Variants in FMNL3 observed in about 807,000 individuals in gnomAD.
The protein encoded by FMNL3 is formin-like protein 3.
A neutral mutation model predicts 119.6 loss-of-function variants in FMNL3; 57 were observed. The ratio of observed to expected loss-of-function variants is 0.48; its 90% CI spans 0.39 to 0.59. The LOEUF is 0.59. FMNL3 is among the 20% of genes least tolerant of loss of function. The pLI is 0.00. For missense variants in FMNL3, 1,053 were observed against 1,323.5 expected (o/e 0.80, Z 3.17); for synonymous variants, 491 against 507.3 (o/e 0.97, Z 0.43).
At position 49,642,914 on chromosome 12, in the gene FMNL3, C is replaced by T; in HGVS notation, c.*2901G>A. On this transcript the variant is annotated 3_prime_UTR_variant, in exon 26 of 26. Transcript: ENST00000335154. The surrounding 1 kb of genome is among the most constrained non-coding windows in gnomAD (Gnocchi z 5.8). ...GTCTGGTGCTGTCCTCACCCTTCTT[C>T]CTCTGCCTCTAGCAGACTGAATGCC... 1 of 1,609,116 alleles carries T rather than the reference C, an allele frequency of 6.2e-7. No homozygotes were observed. Among genetic ancestry groups the T allele is most frequent in the Non-Finnish European group, 8.5e-7 (1 of 1,177,336 alleles).
At position 49,642,311 on chromosome 12, in the gene FMNL3, C is replaced by A; in HGVS notation, c.*3504G>T. The A allele has an allele frequency of 1.2e-6, 2 of 1,614,188 alleles. No homozygotes were observed. The highest frequency in any genetic ancestry group is 2.2e-5 in the South Asian group (2 of 91,086). ...CGCAGGATGCGGCGCAGGGAAGCTG[C>A]CTTTCGAAGCATGCTGAGGCAGGCT... On this transcript the variant is annotated 3_prime_UTR_variant, in exon 26 of 26. Coordinates refer to ENST00000335154, the MANE Select transcript of FMNL3 (RefSeq NM_175736.5). This position sits in a 1 kb window ranked among gnomAD's most constrained non-coding sequence, Gnocchi z 5.8.
At chr12:49,686,023 T>C (rs1042215317) in intron 1 of FMNL3, among the ~76,000 whole-genome samples, 1 of 152,062 alleles carries the variant, frequency 6.6e-6, no homozygotes, top group Non-Finnish European at 1.5e-5. Context: ...GCTGAGATTG[T>C]GCCACTGTAC....
chr12:49,644,272 T>C lies in FMNL3; in HGVS notation c.*1543A>G. On this transcript the variant is annotated 3_prime_UTR_variant, in exon 26 of 26. Coordinates refer to ENST00000335154, the MANE Select transcript of FMNL3 (RefSeq NM_175736.5). ...CCCTCACCGTCTGCCTCAGACTTCT[T>C]CCTTAGTCTGGTCTGTGTCCACTTT... is the stretch of plus-strand genomic sequence containing the variant. 6.7e-7 allele frequency: 1 copy of C among 1,488,840 alleles called. No individual in the cohort carries two copies. The allele number at this position is 1,488,840 out of a possible 1,614,324, so 92.2% of individuals were successfully genotyped here.
At position 49,647,499 on chromosome 12, in the gene FMNL3, T is replaced by C; in HGVS notation, c.2779-131A>G. The C allele has an allele frequency of 9.4e-7, 1 of 1,061,800 alleles. No individual in the cohort carries two copies. The highest frequency in any genetic ancestry group is 1.4e-6 in the Non-Finnish European group (1 of 705,872). The allele number at this position is 1,061,800 out of a possible 1,614,324, so 65.8% of individuals were successfully genotyped here. ...AGGTGGCCACCCTCTGGAGGGGCAC[T>C]TCCTGCCCCAAACAATGACAGGAAG... On this transcript the variant is annotated intron_variant, in intron 23 of 25. Transcript: ENST00000335154. This position sits in a 1 kb window ranked among gnomAD's most constrained non-coding sequence, Gnocchi z 4.9.
At chr12:49,673,488 ACTAG>A (rs1944100329) in intron 1 of FMNL3, among the ~76,000 whole-genome samples, 1 of 152,242 alleles carries the variant, frequency 6.6e-6, no homozygotes, top group South Asian at 2.1e-4. Flanking sequence ...AAGGCCCATT[ACTAG>A]CTGCCAAAAG....
intron 1 of FMNL3, among the ~76,000 whole-genome samples, chr12:49,694,649 G>A (rs777189623): frequency 3.3e-5 from 5 of 152,160 alleles, no homozygotes; most frequent in African/African-American, 9.7e-5. Context: ...GGTGGCTCAC[G>A]CCTGCTATCT....
rs773190923 is a variant in FMNL3 at position 49,649,505 on chromosome 12, C to T, written c.2269G>A (p.Val757Ile). 9.3e-6 allele frequency: 15 copies of T among 1,613,980 alleles called. No homozygotes were observed. Among genetic ancestry groups the T allele is most frequent in the Non-Finnish European group, 1.0e-5 (12 of 1,180,048 alleles). The stretch of plus-strand genomic sequence containing the variant: ...TGCTTCAGCTTCTGTGAAGACTTGA[C>T]GGAAGCGGACGCCGCAATGATGGCA... ...LNAIIAASAS[V>I]KSSQKLKQML... The change falls in exon 19 of 26, where the codon GTC (valine) becomes ATC (isoleucine). Residue 757 changes from valine (V) to isoleucine (I), a missense_variant. This residue lies in a region of FMNL3 where 324 missense variants were observed against 380.9 expected (regional missense o/e 0.85). Transcript: ENST00000335154. The surrounding 1 kb of genome is among the most constrained non-coding windows in gnomAD (Gnocchi z 5.6).
intron 1 of FMNL3, among the ~76,000 whole-genome samples, chr12:49,672,512 G>C (rs965237662): frequency 1.3e-5 from 2 of 152,230 alleles, no homozygotes; most frequent in South Asian, 2.1e-4. Flanking sequence ...CTCCAGCAAG[G>C]CTGCTCTGTT....
At chr12:49,652,271 A>G in intron 13 of FMNL3, 59 bp from the exon 14 acceptor site, 1 of 1,549,814 alleles carries the variant, frequency 6.5e-7, no homozygotes, top group Non-Finnish European at 8.7e-7. Flanking sequence ...TCATTGCCCC[A>G]AGAGTGAGAA....
At chr12:49,667,468 T>C (rs1943923215) in intron 2 of FMNL3, among the ~76,000 whole-genome samples, 1 of 152,182 alleles carries the variant, frequency 6.6e-6, no homozygotes, top group South Asian at 2.1e-4. Context: ...CTCTGAAGCA[T>C]ACTACTAGCT....
Position 49,649,518 on chromosome 12 carries a change from C to T in FMNL3, c.2256G>A (p.Ala752=), listed in dbSNP as rs751577308. 9.3e-6 allele frequency: 15 copies of T among 1,614,018 alleles called. No individual in the cohort carries two copies. The highest frequency in any genetic ancestry group is 6.6e-5 in the South Asian group (6 of 91,074). The stretch of plus-strand genomic sequence containing the variant: ...GTGAAGACTTGACGGAAGCGGACGC[C>T]GCAATGATGGCATTGAGTTGCTGTA... ...MLTPQLNAII[A]ASASVKSSQK... The change falls in exon 19 of 26, where the codon GCG becomes GCA. Residue 752 remains alanine (A), a synonymous_variant. Coordinates refer to ENST00000335154, the MANE Select transcript of FMNL3 (RefSeq NM_175736.5). This position sits in a 1 kb window ranked among gnomAD's most constrained non-coding sequence, Gnocchi z 5.6.
At chr12:49,645,998 C>A (rs1394706922) in intron 25 of FMNL3, 95 bp from the exon 26 acceptor site, 2 of 1,049,712 alleles carry the variant, frequency 1.9e-6, no homozygotes, top group East Asian at 5.4e-5. Context: ...AGGGAGGAGC[C>A]AGCAGTGAGG....
intron 1 of FMNL3, among the ~76,000 whole-genome samples, chr12:49,686,518 C>A (rs1306260788): frequency 6.9e-6 from 1 of 144,046 alleles, no homozygotes; most frequent in African/African-American, 2.6e-5. Context: ...GCGGAGCTTG[C>A]AGTGAGCAGA....
At chr12:49,706,982 G>A in intron 1 of FMNL3, 73 bp downstream of exon 1, 2 of 1,508,574 alleles carry the variant, frequency 1.3e-6, no homozygotes, top group Non-Finnish European at 1.8e-6. Context: ...CGGGGGCCCA[G>A]CACAAAGTCC....
Position 49,636,732 on chromosome 12 carries a change from T to G in FMNL3, c.*9083A>C. ...TGTCTTTAGACATGGACAAGGAAGA[T>G]GCACTGATCTGTTTTGAGGAGCACA... On this transcript the variant is annotated 3_prime_UTR_variant, in exon 26 of 26. Coordinates refer to ENST00000335154, the MANE Select transcript of FMNL3 (RefSeq NM_175736.5). 1 of 1,614,196 alleles carries G rather than the reference T, an allele frequency of 6.2e-7. No homozygotes were observed. Among genetic ancestry groups the G allele is most frequent in the Admixed American group, 1.7e-5 (1 of 60,030 alleles).
At position 49,636,694 on chromosome 12, in the gene FMNL3, G is replaced by A. The variant is rs145385705; in HGVS notation, c.*9121C>T. The A allele has an allele frequency of 1.1e-4, 175 of 1,613,252 alleles. 1 individual carries two copies. In the East Asian group the frequency reaches 1.7e-3, roughly 15 times the overall value. On this transcript the variant is annotated 3_prime_UTR_variant, in exon 26 of 26. Coordinates refer to ENST00000335154, the MANE Select transcript of FMNL3 (RefSeq NM_175736.5). ...GGTATCCTGCTGGGACAATGCCCGC[G>A]GAACCTCCTGCCTGTCTTTAGACAT...
intron 25 of FMNL3, chr12:49,646,548 G>T: frequency 9.7e-7 from 1 of 1,028,430 alleles, no homozygotes; most frequent in East Asian, 2.6e-5. Context: ...GAGGGTGATT[G>T]CAAGTCATGC....
rs577980761 is a variant in FMNL3 at position 49,703,428 on chromosome 12, C to T, written c.126+3627G>A. On this transcript the variant is annotated intron_variant, in intron 1 of 25. Transcript: ENST00000335154. Reference sequence around the variant, plus strand: ...CCCCAACCCCAAACTTCTCAATACCCAACAGAATGGGAAGTGCTACTCAGA... The same window carrying T: ...CCCCAACCCCAAACTTCTCAATACCTAACAGAATGGGAAGTGCTACTCAGA... 4.6e-5 allele frequency among the ~76,000 whole-genome samples: 7 copies of T among 152,232 alleles called. No homozygotes were observed. The South Asian group carries it at 6.2e-4, about 14-fold the overall frequency.
chr12:49,659,820 G>A (rs1412211199), intron 5 of FMNL3: 3 of 985,334 alleles, frequency 3.0e-6, no homozygotes, highest in Non-Finnish European at 3.6e-6. Context: ...ACCCCTCTGA[G>A]AAACAGTCCC....
Sources: gnomAD v4.1 joint callset for allele counts (sites outside exome capture counted in the v4.1 genomes callset) on GRCh38, gnomAD v4.1.1 for gene constraint, gnomAD v4.1.1 regional missense constraint, Gnocchi (gnomAD v3.1) non-coding constraint, MANE v1.5 for transcripts, NCBI Gene and HGNC (gene_info 2026-07-23, HGNC 2026-07-21) for gene names.